The following DYNC2H1 variants were observed in gnomAD, a reference collection of about 807,000 sequenced individuals.
The protein encoded by DYNC2H1 is cytoplasmic dynein 2 heavy chain 1.
In DYNC2H1, 410 loss-of-function variants were observed where a neutral mutation model predicts 570.0. The observed-to-expected ratio is 0.72, with a 90% CI of 0.66 to 0.78. The LOEUF (loss-of-function observed/expected upper bound fraction) is 0.78, where lower values mean the gene tolerates loss of function less well. Ranked by LOEUF, DYNC2H1 falls within the 30% of genes least tolerant of loss-of-function variation. The probability of loss-of-function intolerance (pLI) is 0.00; values close to 1 mark genes in which losing one functional copy is unlikely to be tolerated. For synonymous variants in DYNC2H1, 1,688 were observed against 1,677.6 expected (o/e 1.01, Z -0.15); for missense variants, 4,865 against 5,046.4 (o/e 0.96, Z 1.09).
chr11:103,451,209 A>C (rs1944586911), intron 85 of DYNC2H1, among the ~76,000 whole-genome samples: 2 of 149,990 alleles, frequency 1.3e-5, no homozygotes. Flanking sequence ...TTAATCAGCT[A>C]ATTTCTAATT....
At chr11:103,426,649 A>C (rs1352166142) in intron 84 of DYNC2H1, among the ~76,000 whole-genome samples, 2 of 152,212 alleles carry the variant, frequency 1.3e-5, no homozygotes, top group African/African-American at 4.8e-5. Context: ...ACATAAACAC[A>C]CAAAATCTAT....
At chr11:103,212,681 T>C (rs1197980571) in intron 54 of DYNC2H1, among the ~76,000 whole-genome samples, 1 of 152,126 alleles carries the variant, frequency 6.6e-6, no homozygotes, top group Non-Finnish European at 1.5e-5. Context: ...TTAGAGAACA[T>C]TTCCTCTCTA....
chr11:103,341,016 G>C (rs4754065), intron 82 of DYNC2H1, among the ~76,000 whole-genome samples: 3 of 151,776 alleles, frequency 2.0e-5, no homozygotes, highest in Non-Finnish European at 4.4e-5. Flanking sequence ...ACACAAAGCT[G>C]TAACATGATT....
At position 103,170,658 on chromosome 11, in the gene DYNC2H1, A is replaced by AT. The variant is rs377010149; in HGVS notation, c.5152-222dup. Among the ~76,000 whole-genome samples, 553 of 152,236 alleles carry AT rather than the reference A, an allele frequency of 3.6e-3. 3 individuals carry two copies. The highest frequency in any genetic ancestry group is 0.012 in the African/African-American group (519 of 41,546). On this transcript the variant is annotated intron_variant, in intron 33 of 88. Transcript: ENST00000375735. The surrounding 1 kb of genome is among the most constrained non-coding windows in gnomAD (Gnocchi z 4.8). ...AAAGAGTAACTAACACAAATCTTGT[A>AT]TTTTTTCTGCAAGCTTTTTAGAACA...
At chr11:103,193,664 C>A (rs1646014161) in intron 47 of DYNC2H1, among the ~76,000 whole-genome samples, 1 of 152,020 alleles carries the variant, frequency 6.6e-6, no homozygotes, top group South Asian at 2.1e-4. Flanking sequence ...CTGCCTCAGC[C>A]TCCCGAGTAG....
intron 29 of DYNC2H1, among the ~76,000 whole-genome samples, chr11:103,162,606 G>A (rs1861143558): frequency 6.6e-6 from 1 of 152,088 alleles, no homozygotes; most frequent in African/African-American, 2.4e-5. Flanking sequence ...AAGATCATCA[G>A]GATGGCATGA....
chr11:103,116,525 G>A, intron 4 of DYNC2H1, 45 bp from the exon 5 acceptor site: 2 of 1,455,850 alleles, frequency 1.4e-6, no homozygotes, highest in South Asian at 1.5e-5. Flanking sequence ...TATTACCCAA[G>A]GTACAAATAT....
intron 78 of DYNC2H1, 128 bp from the exon 79 acceptor site, chr11:103,311,747 CATA>C (rs1591559391): frequency 1.3e-6 from 1 of 783,648 alleles, no homozygotes; most frequent in Non-Finnish European, 2.0e-6. Flanking sequence ...TTTGAAGTAA[CATA>C]ATAATTTAAC....
intron 65 of DYNC2H1, among the ~76,000 whole-genome samples, chr11:103,246,997 T>TC (rs1308542683): frequency 6.7e-6 from 1 of 148,692 alleles, no homozygotes; most frequent in Non-Finnish European, 1.5e-5. Context: ...TCTCTCTCTC[T>TC]CCTTTTTTTT....
chr11:103,320,519 G>A (rs906591723), intron 80 of DYNC2H1, among the ~76,000 whole-genome samples: 4 of 152,220 alleles, frequency 2.6e-5, no homozygotes, highest in Non-Finnish European at 5.9e-5. Flanking sequence ...TTAGAAGAGT[G>A]TAATGTGTGA....
intron 85 of DYNC2H1, among the ~76,000 whole-genome samples, chr11:103,437,891 A>T (rs1417147611): frequency 1.3e-5 from 2 of 152,102 alleles, no homozygotes; most frequent in Non-Finnish European, 2.9e-5. Context: ...CAGTGGTACT[A>T]TAATTAATAC....
Position 103,472,525 on chromosome 11 carries a change from G to A in DYNC2H1, c.12765+3820G>A, listed in dbSNP as rs1945421226. On this transcript the variant is annotated intron_variant, in intron 88 of 88. Transcript: ENST00000375735. This position sits in a 1 kb window ranked among gnomAD's most constrained non-coding sequence, Gnocchi z 4.1. Reference sequence around the variant, plus strand: ...TACTGGCGTCTCATAACAATCCTATGAGTTTGGTACAGCAAATTTTCTATT... The same window carrying A: ...TACTGGCGTCTCATAACAATCCTATAAGTTTGGTACAGCAAATTTTCTATT... Among the ~76,000 whole-genome samples, 1 of 152,034 alleles carries A rather than the reference G, an allele frequency of 6.6e-6. No individual in the cohort carries two copies. Among genetic ancestry groups the A allele is most frequent in the Non-Finnish European group, 1.5e-5 (1 of 68,004 alleles).
chr11:103,195,805 C>A (rs1862488862), intron 47 of DYNC2H1, among the ~76,000 whole-genome samples: 1 of 152,084 alleles, frequency 6.6e-6, no homozygotes, highest in Non-Finnish European at 1.5e-5. Context: ...TAGATCTTTG[C>A]TTTCTTTCAT....
At position 103,170,971 on chromosome 11, in the gene DYNC2H1, T is replaced by C. The variant is rs1361552615; in HGVS notation, c.5237T>C (p.Leu1746Pro). The change falls in exon 34 of 89, where the codon CTG (leucine) becomes CCG (proline). Residue 1746 changes from leucine to proline, a missense_variant. Physicochemically the swap from Leu to Pro is moderately conservative, Grantham distance 98. This residue lies in a region of DYNC2H1 where 292 missense variants were observed against 300.2 expected (regional missense o/e 0.97). Coordinates refer to ENST00000375735, the MANE Select transcript of DYNC2H1 (RefSeq NM_001377.3). The surrounding 1 kb of genome is among the most constrained non-coding windows in gnomAD (Gnocchi z 4.8). Reference sequence around the variant, plus strand: ...GGTTGTTTTGATGAATTTAATAGGCTGGAAGAATCTGTACTGTCAGCAGTT... The same window carrying C: ...GGTTGTTTTGATGAATTTAATAGGCCGGAAGAATCTGTACTGTCAGCAGTT... ...AWGCFDEFNR[L>P]EESVLSAVSM... 6.2e-7 allele frequency: 1 copy of C among 1,610,070 alleles called. No homozygotes were observed. Among genetic ancestry groups the C allele is most frequent in the African/African-American group, 1.3e-5 (1 of 74,892 alleles).
At chr11:103,416,401 G>A (rs1361500477) in intron 84 of DYNC2H1, among the ~76,000 whole-genome samples, 1 of 152,114 alleles carries the variant, frequency 6.6e-6, no homozygotes, top group Non-Finnish European at 1.5e-5. Context: ...AAAGAACAAA[G>A]CTGGAGGCAT....
chr11:103,442,455 G>A (rs17100860), intron 85 of DYNC2H1, among the ~76,000 whole-genome samples: 23,280 of 151,918 alleles, frequency 0.15, 1,990 homozygotes, highest in East Asian at 0.26. Context: ...TATAGCAATA[G>A]TATTACAAAA....
chr11:103,177,559 A>G lies in DYNC2H1; in HGVS notation c.5878A>G (p.Lys1960Glu). 1.2e-6 allele frequency: 2 copies of G among 1,601,968 alleles called. No individual in the cohort carries two copies. The highest frequency in any genetic ancestry group is 2.3e-5 in the South Asian group (2 of 87,738). Residue 1960 changes from lysine to glutamate, a missense_variant, in exon 38 of 89, where the codon AAA becomes GAA. Transcript: ENST00000375735. The surrounding 1 kb of genome is among the most constrained non-coding windows in gnomAD (Gnocchi z 4.4). ...ANYEIIPNQI[K>E]KALELYEQLC... ...GAACATATTTCTTTCCTACTAGATC[A>G]AAAAGGCTTTAGAATTGTATGAACA...
chr11:103,333,806 T>G (rs183256659), intron 82 of DYNC2H1, among the ~76,000 whole-genome samples: 1 of 152,318 alleles, frequency 6.6e-6, no homozygotes, highest in East Asian at 1.9e-4. Context: ...CATAATCATT[T>G]AAGGACCATA....
At chr11:103,246,071 G>C (rs191560485) in intron 65 of DYNC2H1, among the ~76,000 whole-genome samples, 1 of 152,226 alleles carries the variant, frequency 6.6e-6, no homozygotes, top group Admixed American at 6.5e-5. Context: ...ACATTGATAT[G>C]TTTGGCCTAG....
Sources: allele counts gnomAD v4.1 joint callset (sites outside exome capture counted in the v4.1 genomes callset), GRCh38; gene constraint gnomAD v4.1.1; regional missense constraint gnomAD v4.1.1; non-coding constraint Gnocchi (gnomAD v3.1); transcripts MANE v1.5; gene names NCBI Gene and HGNC (gene_info 2026-07-23, HGNC 2026-07-21).